The following CNTRL variants were observed in gnomAD, a reference collection of about 807,000 sequenced individuals.
CNTRL encodes the protein centriolin, also known as 110 kDa centrosomal protein.
In CNTRL, 233 loss-of-function variants were observed where a neutral mutation model predicts 303.7. The observed-to-expected ratio is 0.77, with a 90% CI of 0.69 to 0.86. The LOEUF is 0.86. Among genes scored for constraint, CNTRL ranks in the 40% least tolerant of loss-of-function variants. The pLI, the probability that CNTRL is intolerant of heterozygous loss-of-function variation, is 0.00. For synonymous variants in CNTRL, 900 were observed against 922.2 expected (o/e 0.98, Z 0.44); for missense variants, 2,524 against 2,650.6 (o/e 0.95, Z 1.05).
In CNTRL at chr9:121,160,237, A is replaced by G. The variant is rs1322136120; in HGVS notation, c.5024A>G (p.Gln1675Arg). ...AAAACTCAACTTACACTTATAAAGC[A>G]GGAAATTGAAAAAGAGGAAGAAAAT... ...ERKTQLTLIK[Q>R]EIEKEEENLQ... The change falls in exon 32 of 44, where the codon CAG becomes CGG. Residue 1675 changes from glutamine to arginine, a missense_variant. Gln to Arg is a conservative substitution (Grantham distance 43, BLOSUM62 1). Coordinates refer to ENST00000373855, the MANE Select transcript of CNTRL (RefSeq NM_007018.6). The G allele has an allele frequency of 5.1e-6, 8 of 1,565,096 alleles. No homozygotes were observed. The highest frequency in any genetic ancestry group is 6.0e-6 in the Non-Finnish European group (7 of 1,161,458).
intron 9 of CNTRL, among the ~76,000 whole-genome samples, 197 bp from the exon 10 acceptor site, chr9:121,113,305 T>A (rs528169414): frequency 2.2e-4 from 33 of 152,282 alleles, no homozygotes; most frequent in African/African-American, 7.7e-4. Context: ...TTTGAGACCA[T>A]TTTTAGTTCT....
In CNTRL at chr9:121,118,351, A is replaced by T; in HGVS notation, c.1461A>T (p.Ser487=). 2 of 1,581,750 alleles carry T rather than the reference A, an allele frequency of 1.3e-6. No homozygotes were observed. The highest frequency in any genetic ancestry group is 2.3e-5 in the South Asian group (2 of 86,366). ...TTGGGGTTTGGGGAGATTAGATTTC[A>T]GAAGCAGGGAAAGACCTTCTTTACA... ...LEEAIQLKKI[S]EAGKDLLYKQ... The change falls in exon 12 of 44, where the codon TCA becomes TCT. Residue 487 remains serine (S), a synonymous_variant. Coordinates refer to ENST00000373855, the MANE Select transcript of CNTRL (RefSeq NM_007018.6).
At chr9:121,107,714 C>T (rs1365969712) in intron 7 of CNTRL, 88 bp from the exon 8 acceptor site, 6 of 890,118 alleles carry the variant, frequency 6.7e-6, no homozygotes, top group African/African-American at 1.8e-5. Context: ...TATTTTTAGA[C>T]TTTTTTCACT....
At chr9:121,147,698 G>C (rs1259416374) in intron 23 of CNTRL, among the ~76,000 whole-genome samples, 1 of 152,200 alleles carries the variant, frequency 6.6e-6, no homozygotes, top group African/African-American at 2.4e-5. Flanking sequence ...TATCCTGCTA[G>C]AATCAGCCGA....
At chr9:121,169,853 G>T (rs746881362) in intron 39 of CNTRL, 37 bp downstream of exon 39, 4 of 1,578,670 alleles carry the variant, frequency 2.5e-6, no homozygotes, top group South Asian at 1.1e-5. Context: ...GTGAGGAAAT[G>T]ATAAATTTAA....
intron 8 of CNTRL, among the ~76,000 whole-genome samples, chr9:121,108,205 C>T (rs1158121367): frequency 2.0e-5 from 3 of 152,158 alleles, no homozygotes; most frequent in African/African-American, 7.2e-5. Flanking sequence ...GCATTATGTA[C>T]TCCTAGATAT....
intron 8 of CNTRL, among the ~76,000 whole-genome samples, chr9:121,108,824 T>C (rs1456833546): frequency 2.0e-5 from 3 of 152,102 alleles, no homozygotes; most frequent in Non-Finnish European, 4.4e-5. Context: ...TGTATGTTCA[T>C]TGTAACAAAT....
intron 43 of CNTRL, among the ~76,000 whole-genome samples, chr9:121,176,519 T>C (rs1415143393): frequency 2.6e-5 from 4 of 152,098 alleles, no homozygotes; most frequent in African/African-American, 4.8e-5. Flanking sequence ...CACTGGGCAT[T>C]GAATAGGGAA....
At chr9:121,172,458 T>C (rs534940208) in intron 40 of CNTRL, among the ~76,000 whole-genome samples, 1 of 151,982 alleles carries the variant, frequency 6.6e-6, no homozygotes, top group Non-Finnish European at 1.5e-5. Context: ...CTGGGAAACA[T>C]GCCGAGACCC....
At chr9:121,172,668 A>T (rs2053361272) in intron 40 of CNTRL, among the ~76,000 whole-genome samples, 1 of 152,094 alleles carries the variant, frequency 6.6e-6, no homozygotes, top group Non-Finnish European at 1.5e-5. Context: ...ACAAAAATGT[A>T]TATTGCCAAG....
chr9:121,105,010 G>C (rs535033490), intron 7 of CNTRL, among the ~76,000 whole-genome samples: 1 of 152,236 alleles, frequency 6.6e-6, no homozygotes, highest in African/African-American at 2.4e-5. Flanking sequence ...ATGCCCGGCT[G>C]CCATTGACAG....
At chr9:121,174,678 G>A (rs1235125880) in intron 42 of CNTRL, among the ~76,000 whole-genome samples, 1 of 152,172 alleles carries the variant, frequency 6.6e-6, no homozygotes, top group Non-Finnish European at 1.5e-5. Flanking sequence ...CACTCCAGTT[G>A]TCAAGTATAA....
intron 34 of CNTRL, 83 bp from the exon 35 acceptor site, chr9:121,164,859 AT>A: frequency 1.0e-6 from 1 of 999,710 alleles, no homozygotes; most frequent in Non-Finnish European, 1.5e-6. Flanking sequence ...CCATAACTGT[AT>A]GTTGTGAAAG....
Position 121,167,514 on chromosome 9 carries a change from A to G in CNTRL, c.5681A>G (p.Gln1894Arg). 1 of 1,613,756 alleles carries G rather than the reference A, an allele frequency of 6.2e-7. No individual in the cohort carries two copies. Among genetic ancestry groups the G allele is most frequent in the Non-Finnish European group, 8.5e-7 (1 of 1,179,882 alleles). The change falls in exon 37 of 44, where the codon CAG becomes CGG. Residue 1894 changes from glutamine (Q) to arginine (R), a missense_variant. By Grantham distance (43) the Gln-to-Arg change is conservative. Transcript: ENST00000373855. ...GACCTGCTTCACACCACCAAGCATC[A>G]GGATGTGTTGCTCAGTGAGCAGACC... ...KQDLLHTTKH[Q>R]DVLLSEQTRL...
At position 121,175,034 on chromosome 9, in the gene CNTRL, G is replaced by A; in HGVS notation, c.6764G>A (p.Cys2255Tyr). 6.2e-7 allele frequency: 1 copy of A among 1,613,728 alleles called. No homozygotes were observed. The highest frequency in any genetic ancestry group is 8.5e-7 in the Non-Finnish European group (1 of 1,179,884). Residue 2255 changes from cysteine to tyrosine, a missense_variant, in exon 43 of 44, where the codon TGT (cysteine) becomes TAT (tyrosine). By Grantham distance (194) the Cys-to-Tyr change is radical. Coordinates refer to ENST00000373855, the MANE Select transcript of CNTRL (RefSeq NM_007018.6). ...EDRLKAQLRH[C>Y]MSKQAEVLIK... is the part of the protein sequence containing the mutation. The stretch of plus-strand genomic sequence containing the variant: ...ACTTTTCAGGCCCAACTCCGACACT[G>A]TATGTCCAAGCAAGCAGAAGTATTA...
Position 121,166,137 on chromosome 9 carries a change from A to C in CNTRL, c.5612A>C (p.Glu1871Ala). 1 of 1,611,912 alleles carries C rather than the reference A, an allele frequency of 6.2e-7. No individual in the cohort carries two copies. The highest frequency in any genetic ancestry group is 8.5e-7 in the Non-Finnish European group (1 of 1,179,398). The change falls in exon 36 of 44, where the codon GAG (glutamate) becomes GCG (alanine). Residue 1871 changes from glutamate (E) to alanine (A), a missense_variant. Transcript: ENST00000373855. Reference sequence around the variant, plus strand: ...CGAGAAGCAGTAAACTCACTGCAGGAGGAACTAGCTAATGTCCAAGACCAT... The same window carrying C: ...CGAGAAGCAGTAAACTCACTGCAGGCGGAACTAGCTAATGTCCAAGACCAT... ...EKREAVNSLQ[E>A]ELANVQDHLN...
At chr9:121,124,180 A>G in intron 13 of CNTRL, 96 bp downstream of exon 13, 1 of 1,062,406 alleles carries the variant, frequency 9.4e-7, no homozygotes. Flanking sequence ...AGCTAAATAC[A>G]GTTCACCTAT....
intron 14 of CNTRL, among the ~76,000 whole-genome samples, chr9:121,126,829 G>GTT (rs58013302): frequency 1.9e-4 from 29 of 150,388 alleles, no homozygotes; most frequent in South Asian, 4.2e-4. Context: ...GTTTGTTTTG[G>GTT]TTTTTTTTTG....
In CNTRL at chr9:121,108,121, G is replaced by A. The variant is rs992220618; in HGVS notation, c.1002+126G>A. 22 of 602,878 alleles carry A rather than the reference G, an allele frequency of 3.6e-5. No homozygotes were observed. In the South Asian group the frequency reaches 6.4e-4, roughly 17 times the overall value. 37.3% of individuals were successfully genotyped at this position (602,878 alleles called of 1,614,324 possible). On this transcript the variant is annotated intron_variant, in intron 8 of 43. Transcript: ENST00000373855. ...AGATGTGGTTTAACAGAAATATGTG[G>A]AAAGGCTTATGAATTGTAGTTGACT...
Sources: allele counts gnomAD v4.1 joint callset (sites outside exome capture counted in the v4.1 genomes callset), GRCh38; gene constraint gnomAD v4.1.1; transcripts MANE v1.5; gene names NCBI Gene and HGNC (gene_info 2026-07-23, HGNC 2026-07-21).